Variants in TUG1 observed in about 807,000 individuals in gnomAD.
The protein encoded by TUG1 is taurine upregulated gene 1.
chr22:30,970,525 G>A (rs926290421), exon 1 of TUG1: 1 of 152,190 alleles, frequency 6.6e-6, no homozygotes, highest in Non-Finnish European at 1.5e-5. Flanking sequence ...ATTAGGAGTG[G>A]ATGTGTTCTG....
chr22:30,979,350 CATT>C (rs1257150605), exon 3 of TUG1: 2 of 152,274 alleles, frequency 1.3e-5, no homozygotes, highest in South Asian at 2.1e-4. Context: ...ACACTACCCA[CATT>C]ATTTTTAAAC....
exon 3 of TUG1, chr22:30,976,245 A>T (rs2041287165): frequency 6.6e-6 from 1 of 152,086 alleles, no homozygotes; most frequent in Non-Finnish European, 1.5e-5. Flanking sequence ...TCTAGCCAGT[A>T]ATAGATTTTT....
exon 3 of TUG1, chr22:30,976,345 G>C (rs2041287893): frequency 6.6e-6 from 1 of 152,136 alleles, no homozygotes; most frequent in African/African-American, 2.4e-5. Flanking sequence ...GGTAGGGAGA[G>C]TTGGAGGCTG....
At chr22:30,977,215 G>C (rs1351061634) in exon 3 of TUG1, 1 of 152,162 alleles carries the variant, frequency 6.6e-6, no homozygotes, top group Non-Finnish European at 1.5e-5. Context: ...TCTGTATACT[G>C]TCTCCATGTC....
chr22:30,971,507 T>C (rs1360599881), exon 1 of TUG1: 1 of 152,662 alleles, frequency 6.6e-6, no homozygotes, highest in Admixed American at 6.5e-5. Context: ...TTGGAGCAGA[T>C]AACTTTCAGT....
Position 30,969,297 on chromosome 22 carries a change from G to A in TUG1, c.-60G>A, listed in dbSNP as rs118072126. 361 of 152,522 alleles carry A rather than the reference G, an allele frequency of 2.4e-3. 2 individuals are homozygous for A. Among genetic ancestry groups the A allele is most frequent in the East Asian group, 0.014 (71 of 5,152 alleles). The allele number at this position is 152,522 out of a possible 1,614,324, so 9.4% of individuals were successfully genotyped here. ...GCAGCCGGGACGGTAGCTGCGGTGCGGACCGGAGGAGCCATCTTGTCTCGT... is the reference window on the plus strand; with the variant it reads ...GCAGCCGGGACGGTAGCTGCGGTGCAGACCGGAGGAGCCATCTTGTCTCGT... On this transcript the variant is annotated 5_prime_UTR_variant, in exon 1 of 3. Coordinates refer to ENST00000644773, the Ensembl canonical transcript of TUG1.
At chr22:30,973,163 A>G (rs958408170) in exon 2 of TUG1, 3 of 152,650 alleles carry the variant, frequency 2.0e-5, no homozygotes, top group Non-Finnish European at 2.9e-5. Flanking sequence ...AGTTTGTTCC[A>G]TGAGTGTGCA....
exon 1 of TUG1, chr22:30,970,078 G>A (rs2041210346): frequency 6.6e-6 from 1 of 152,190 alleles, no homozygotes; most frequent in South Asian, 2.1e-4. Flanking sequence ...AGAAAACTTA[G>A]CAGTTCCCCA....
chr22:30,978,722 A>G (rs893007558), exon 3 of TUG1: 36 of 152,246 alleles, frequency 2.4e-4, no homozygotes, highest in African/African-American at 8.7e-4. Flanking sequence ...AAGCAGAGCC[A>G]AAATATGGAG....
exon 3 of TUG1, chr22:30,976,418 T>C: frequency 6.6e-6 from 1 of 152,200 alleles, no homozygotes; most frequent in East Asian, 1.9e-4. Context: ...GCCTACCTTT[T>C]TGCTGGAAAC....
chr22:30,977,514 G>A (rs1212229508), exon 3 of TUG1: 1 of 152,190 alleles, frequency 6.6e-6, no homozygotes, highest in African/African-American at 2.4e-5. Flanking sequence ...TGATGTACCT[G>A]ACTGGCTCTG....
exon 3 of TUG1, chr22:30,978,464 C>G (rs974112751): frequency 6.6e-6 from 1 of 152,192 alleles, no homozygotes; most frequent in Non-Finnish European, 1.5e-5. Flanking sequence ...GCCCAGCATC[C>G]GTTCCATCTT....
At chr22:30,977,183 A>T (rs1234993626) in exon 3 of TUG1, 1 of 152,148 alleles carries the variant, frequency 6.6e-6, no homozygotes, top group Non-Finnish European at 1.5e-5. Flanking sequence ...AAAGCAAAAA[A>T]CCTAAAACTT....
chr22:30,970,074 C>T (rs1041660468), exon 1 of TUG1: 8 of 152,120 alleles, frequency 5.3e-5, no homozygotes, highest in African/African-American at 1.2e-4. Flanking sequence ...TGTAAGAAAA[C>T]TTAGCAGTTC....
At chr22:30,975,055 A>G (rs2041272836) in intron 2 of TUG1, 115 bp from the exon 3 acceptor site, 1 of 152,252 alleles carries the variant, frequency 6.6e-6, no homozygotes, top group Admixed American at 6.5e-5. Context: ...GATGAGTTCT[A>G]ACTCCATCAA....
At chr22:30,973,994 AT>A (rs1461002469) in intron 2 of TUG1, 1 of 152,190 alleles carries the variant, frequency 6.6e-6, no homozygotes, top group Non-Finnish European at 1.5e-5. Flanking sequence ...GTGGTGGTAG[AT>A]TGTCAAGTCA....
exon 1 of TUG1, chr22:30,971,026 C>T (rs945861207): frequency 2.6e-5 from 4 of 152,116 alleles, no homozygotes; most frequent in South Asian, 2.1e-4. Flanking sequence ...TTGTCAGCTG[C>T]TTTTATCAAA....
At chr22:30,978,470 A>G (rs1477351871) in exon 3 of TUG1, 1 of 152,184 alleles carries the variant, frequency 6.6e-6, no homozygotes, top group Non-Finnish European at 1.5e-5. Flanking sequence ...CATCCGTTCC[A>G]TCTTGTAACA....
chr22:30,975,769 C>T (rs1019617925), exon 3 of TUG1: 1 of 152,200 alleles, frequency 6.6e-6, no homozygotes, highest in African/African-American at 2.4e-5. Context: ...TCCATGAATA[C>T]CTGAATTATC....
Sources: allele counts gnomAD v4.1 joint callset, GRCh38; gene constraint gnomAD v4.1.1; transcripts MANE v1.5; gene names NCBI Gene and HGNC (gene_info 2026-07-23, HGNC 2026-07-21).